GRB2: variants seen among roughly 807,000 people sequenced by gnomAD.
GRB2 encodes growth factor receptor bound protein 2.
Under a neutral mutation model 27.4 loss-of-function variants are expected in GRB2, and 2 were observed. That is an observed-to-expected ratio of 0.07 (90% CI 0.03 to 0.23). The LOEUF is 0.23. Ranked by LOEUF, GRB2 falls within the 10% of genes least tolerant of loss-of-function variation. The pLI is 1.00. For missense variants in GRB2, 102 were observed against 282.4 expected, an observed-to-expected ratio of 0.36 and a Z score of 4.58; for synonymous variants, 94 against 99.6, an observed-to-expected ratio of 0.94 and a Z score of 0.33.
chr17:75,332,504 A>G (rs1358804659), intron 3 of GRB2, among the ~76,000 whole-genome samples, 196 bp downstream of exon 3: 3 of 152,220 alleles, frequency 2.0e-5, no homozygotes, highest in South Asian at 2.1e-4. Context: ...AGTTATTATC[A>G]ATCTAAAACA....
intron 1 of GRB2, among the ~76,000 whole-genome samples, chr17:75,404,020 G>A (rs2079081342): frequency 6.6e-6 from 1 of 151,854 alleles, no homozygotes; most frequent in Admixed American, 6.6e-5. Context: ...GGCTGAGGCA[G>A]GAGAATCGCT....
intron 2 of GRB2, among the ~76,000 whole-genome samples, chr17:75,353,639 A>AGTC (rs2078708495): frequency 6.6e-6 from 1 of 151,942 alleles, no homozygotes; most frequent in East Asian, 1.9e-4. Context: ...ACATGCCTGT[A>AGTC]ATCCCAGCTA....
rs1216199577 is a variant in GRB2, at chr17:75,368,526, GT to G, written c.78+25024del. ...GCGTGACCCACTGCGTCAGGCGTTT[GT>G]TTTTTTTTTTGTTGTTTTTTTTTTT... On this transcript the variant is annotated intron_variant, in intron 2 of 5. Transcript: ENST00000316804. Among the ~76,000 whole-genome samples, 1,328 of 141,766 alleles carry G rather than the reference GT, an allele frequency of 9.4e-3. 23 individuals carry two copies. The highest frequency in any genetic ancestry group is 0.032 in the African/African-American group (1,237 of 38,122). 93.0% of individuals were successfully genotyped at this position (141,766 alleles called of 152,430 possible).
At chr17:75,402,903 C>T (rs953444001) in intron 1 of GRB2, among the ~76,000 whole-genome samples, 1 of 151,390 alleles carries the variant, frequency 6.6e-6, no homozygotes. Context: ...TGGAGAAACC[C>T]TGTCTCTACT....
intron 2 of GRB2, among the ~76,000 whole-genome samples, chr17:75,341,956 G>A (rs2145833645): frequency 6.6e-6 from 1 of 152,200 alleles, no homozygotes; most frequent in South Asian, 2.1e-4. Flanking sequence ...TCGACTCTCT[G>A]CTCTGATCTC....
intron 2 of GRB2, among the ~76,000 whole-genome samples, chr17:75,362,265 AT>A (rs2078787858): frequency 6.6e-6 from 1 of 152,170 alleles, no homozygotes. Context: ...CTTTGTAGAC[AT>A]TTTTTCCTTA....
intron 2 of GRB2, among the ~76,000 whole-genome samples, chr17:75,362,413 T>G (rs1424459398): frequency 6.6e-6 from 1 of 152,180 alleles, no homozygotes; most frequent in African/African-American, 2.4e-5. Flanking sequence ...TTTCAATCCT[T>G]TGAGGGAAAA....
intron 2 of GRB2, among the ~76,000 whole-genome samples, chr17:75,354,701 C>A (rs957720514): frequency 1.3e-5 from 2 of 152,114 alleles, no homozygotes; most frequent in Non-Finnish European, 2.9e-5. Flanking sequence ...CCACTGCAGT[C>A]TTCCAAAAGA....
intron 2 of GRB2, among the ~76,000 whole-genome samples, chr17:75,365,974 A>AT: frequency 6.6e-6 from 1 of 152,146 alleles, no homozygotes; most frequent in East Asian, 1.9e-4. Flanking sequence ...ACCTAATCAC[A>AT]TATCAAGTCT....
At chr17:75,353,830 G>A (rs1475530259) in intron 2 of GRB2, among the ~76,000 whole-genome samples, 1 of 151,968 alleles carries the variant, frequency 6.6e-6, no homozygotes, top group East Asian at 1.9e-4. Context: ...TCTGAGGTCA[G>A]GAGTTCAAGA....
intron 2 of GRB2, among the ~76,000 whole-genome samples, chr17:75,384,114 A>G (rs1351061660): frequency 2.6e-5 from 4 of 152,154 alleles, no homozygotes; most frequent in Non-Finnish European, 1.5e-5. Context: ...AGGAGGTAAA[A>G]TTAAGGGAGT....
At chr17:75,344,742 C>A (rs1213053274) in intron 2 of GRB2, among the ~76,000 whole-genome samples, 3 of 152,066 alleles carry the variant, frequency 2.0e-5, no homozygotes, top group Non-Finnish European at 2.9e-5. Context: ...TAGCAACTGT[C>A]CTTTTCATCC....
At chr17:75,329,478 A>T (rs1205815112) in intron 3 of GRB2, among the ~76,000 whole-genome samples, 1 of 150,678 alleles carries the variant, frequency 6.6e-6, no homozygotes, top group African/African-American at 2.5e-5. Flanking sequence ...TTTTATTTTC[A>T]ATTAAAAAAA....
At chr17:75,359,978 TAAA>T (rs143403187) in intron 2 of GRB2, among the ~76,000 whole-genome samples, 5 of 142,906 alleles carry the variant, frequency 3.5e-5, no homozygotes, top group African/African-American at 7.9e-5. Flanking sequence ...CTTTCTGTCT[TAAA>T]AAAAAAAAAA....
At chr17:75,375,387 GA>G (rs11464562) in intron 2 of GRB2, among the ~76,000 whole-genome samples, 4 of 147,652 alleles carry the variant, frequency 2.7e-5, no homozygotes, top group East Asian at 2.0e-4. Context: ...CAATCTTCAG[GA>G]AAAAAAAAAG....
chr17:75,336,519 T>C (rs1021201244), intron 2 of GRB2, among the ~76,000 whole-genome samples: 13 of 152,284 alleles, frequency 8.5e-5, no homozygotes, highest in South Asian at 2.1e-4. Flanking sequence ...CAGGAGTTCA[T>C]AGAGCTACAC....
rs938587463 is a variant in GRB2 at position 75,370,628 on chromosome 17, C to CT, written c.78+22922dup. Among the ~76,000 whole-genome samples the CT allele has an allele frequency of 3.3e-5, 5 of 152,178 alleles. 1 individual carries two copies. The highest frequency in any genetic ancestry group is 9.7e-5 in the African/African-American group (4 of 41,444). Reference sequence around the variant, plus strand: ...AAAACCTTCCCCTCAATCCAGCTCACTTTTTTAGCAGCAAAGTAAACTCAA... The same window carrying CT: ...AAAACCTTCCCCTCAATCCAGCTCACTTTTTTTAGCAGCAAAGTAAACTCAA... On this transcript the variant is annotated intron_variant, in intron 2 of 5. Transcript: ENST00000316804.
chr17:75,341,934 A>G (rs570648645), intron 2 of GRB2, among the ~76,000 whole-genome samples: 1 of 152,134 alleles, frequency 6.6e-6, no homozygotes, highest in Admixed American at 6.5e-5. Context: ...AGTTTTCATA[A>G]TTTGGCCATC....
chr17:75,388,508 C>T (rs577005345), intron 2 of GRB2, among the ~76,000 whole-genome samples: 1 of 150,338 alleles, frequency 6.7e-6, no homozygotes, highest in African/African-American at 2.5e-5. Flanking sequence ...ATGGCTCACA[C>T]CTGTAATCCC....
Sources: gnomAD v4.1 joint callset for allele counts (sites outside exome capture counted in the v4.1 genomes callset) on GRCh38, gnomAD v4.1.1 for gene constraint, MANE v1.5 for transcripts, NCBI Gene and HGNC (gene_info 2026-07-23, HGNC 2026-07-21) for gene names.